Variants in TMEM184B observed in about 807,000 individuals in gnomAD.
TMEM184B encodes the protein transmembrane protein 184B.
In TMEM184B, 17 loss-of-function variants were observed where a neutral mutation model predicts 41.8. The ratio of observed to expected loss-of-function variants is 0.41; its 90% CI spans 0.28 to 0.61. The LOEUF is 0.61. TMEM184B is among the 20% of genes least tolerant of loss of function. The pLI is 0.34. For synonymous variants in TMEM184B, 240 were observed against 229.5 expected, an observed-to-expected ratio of 1.05 and a Z score of -0.41; for missense variants, 393 against 557.8, an observed-to-expected ratio of 0.70 and a Z score of 2.98.
chr22:38,269,897 C>T (rs1351816403), intron 1 of TMEM184B, among the ~76,000 whole-genome samples: 1 of 152,042 alleles, frequency 6.6e-6, no homozygotes, highest in Non-Finnish European at 1.5e-5. Context: ...GGAAAGCCAA[C>T]GGAACAAAGG....
At chr22:38,242,128 T>C (rs1285634902) in intron 3 of TMEM184B, among the ~76,000 whole-genome samples, 2 of 151,948 alleles carry the variant, frequency 1.3e-5, no homozygotes. Context: ...CTTTAATAAA[T>C]GTAATTTTTT....
At chr22:38,268,374 C>CAAAA (rs34786032) in intron 1 of TMEM184B, among the ~76,000 whole-genome samples, 5 of 121,742 alleles carry the variant, frequency 4.1e-5, no homozygotes, top group South Asian at 2.7e-4. Context: ...GACCCTGTCT[C>CAAAA]AAAAAAAAAA....
rs774864456 is a variant in TMEM184B, at chr22:38,221,363, G to A, written c.*106C>T. 2.1e-5 allele frequency: 31 copies of A among 1,486,482 alleles called. No individual in the cohort carries two copies. Among genetic ancestry groups the A allele is most frequent in the Non-Finnish European group, 2.4e-5 (27 of 1,125,478 alleles). 92.1% of individuals were successfully genotyped at this position (1,486,482 alleles called of 1,614,324 possible). A position where few individuals can be genotyped will look rare whatever the true frequency, so the allele number is the denominator to read the frequency against. On this transcript the variant is annotated 3_prime_UTR_variant, in exon 9 of 9. Transcript: ENST00000361906. ...GTTTCTGGTCCAATAAATAAAGGCG[G>A]CGTGAGCACTGTGCCAGCTGCCTCC...
chr22:38,225,286 C>T lies in TMEM184B; in HGVS notation c.787+138G>A. ...AAGGCCCTCGAGGGCTCAGATTTCA[C>T]CCCCAGCAAGTGCCCAGTGGGCTGA... On this transcript the variant is annotated intron_variant, in intron 7 of 8. Transcript: ENST00000361906. The surrounding 1 kb of genome is among the most constrained non-coding windows in gnomAD (Gnocchi z 4.4). 8.5e-7 allele frequency: 1 copy of T among 1,173,252 alleles called. No homozygotes were observed. Among genetic ancestry groups the T allele is most frequent in the South Asian group, 1.6e-5 (1 of 61,214 alleles). The allele number at this position is 1,173,252 out of a possible 1,614,324, so 72.7% of individuals were successfully genotyped here. A position where few individuals can be genotyped will look rare whatever the true frequency, so the allele number is the denominator to read the frequency against.
intron 1 of TMEM184B, among the ~76,000 whole-genome samples, chr22:38,268,974 C>G (rs1364923140): frequency 6.6e-6 from 1 of 152,268 alleles, no homozygotes; most frequent in Non-Finnish European, 1.5e-5. Context: ...TGAGCTCCAT[C>G]AGACATTGGT....
At position 38,220,537 on chromosome 22, in the gene TMEM184B, A is replaced by G. The variant is rs1311957760; in HGVS notation, c.*932T>C. On this transcript the variant is annotated 3_prime_UTR_variant, in exon 9 of 9. Coordinates refer to ENST00000361906, the MANE Select transcript of TMEM184B (RefSeq NM_012264.5). ...TCTCCCTGCCGGACTGCCTTCCCCC[A>G]GAAGCTGGTCTGAAACGTGGAGACT... is the stretch of plus-strand genomic sequence containing the variant. 3 of 985,766 alleles carry G rather than the reference A, an allele frequency of 3.0e-6. No homozygotes were observed. Among genetic ancestry groups the G allele is most frequent in the African/African-American group, 1.7e-5 (1 of 57,198 alleles). The allele number at this position is 985,766 out of a possible 1,614,324, so 61.1% of individuals were successfully genotyped here. A position where few individuals can be genotyped will look rare whatever the true frequency, so the allele number is the denominator to read the frequency against.
chr22:38,254,387 G>A (rs1301007652), intron 1 of TMEM184B, among the ~76,000 whole-genome samples: 1 of 152,100 alleles, frequency 6.6e-6, no homozygotes, highest in East Asian at 1.9e-4. Flanking sequence ...ATCACTTGAA[G>A]CCAGGAATTC....
intron 4 of TMEM184B, among the ~76,000 whole-genome samples, chr22:38,231,042 G>A (rs1357668847): frequency 6.6e-6 from 1 of 152,224 alleles, no homozygotes; most frequent in Non-Finnish European, 1.5e-5. Context: ...GAGACAGGAA[G>A]AGACAGAGAG....
Position 38,220,218 on chromosome 22 carries a change from G to C in TMEM184B, c.*1251C>G. 1 of 985,858 alleles carries C rather than the reference G, an allele frequency of 1.0e-6. No individual in the cohort carries two copies. The highest frequency in any genetic ancestry group is 1.7e-5 in the African/African-American group (1 of 57,356). 61.1% of individuals were successfully genotyped at this position (985,858 alleles called of 1,614,324 possible). ...AGGCCCCAGGTCTAGAGGTGTGGAG[G>C]GGGAGAGGAGGGGCTTGGTGGTCCT... is the stretch of plus-strand genomic sequence containing the variant. On this transcript the variant is annotated 3_prime_UTR_variant, in exon 9 of 9. Coordinates refer to ENST00000361906, the MANE Select transcript of TMEM184B (RefSeq NM_012264.5).
chr22:38,218,492 C>T (rs1012267507), downstream of TMEM184B, among the ~76,000 whole-genome samples: 4 of 151,636 alleles, frequency 2.6e-5, no homozygotes, highest in South Asian at 2.1e-4. Flanking sequence ...TGGCACAGAC[C>T]GAGGTGAGGC....
At chr22:38,235,175 G>A (rs537560956) in intron 3 of TMEM184B, among the ~76,000 whole-genome samples, 5 of 152,204 alleles carry the variant, frequency 3.3e-5, no homozygotes, top group Non-Finnish European at 4.4e-5. Context: ...GGCTCAGGCA[G>A]GGCAGGAGGG....
intron 3 of TMEM184B, among the ~76,000 whole-genome samples, chr22:38,237,492 T>C (rs565566563): frequency 6.6e-6 from 1 of 152,384 alleles, no homozygotes; most frequent in South Asian, 2.1e-4. Context: ...CGCCTAAAGC[T>C]GGCCTCATGG....
At chr22:38,242,972 G>T (rs1474361884) in intron 3 of TMEM184B, among the ~76,000 whole-genome samples, 2 of 146,620 alleles carry the variant, frequency 1.4e-5, no homozygotes, top group Non-Finnish European at 3.0e-5. Flanking sequence ...TGAGGCAGGG[G>T]AATCACTTGA....
chr22:38,241,601 C>A (rs2091908799), intron 3 of TMEM184B, among the ~76,000 whole-genome samples: 1 of 151,454 alleles, frequency 6.6e-6, no homozygotes, highest in African/African-American at 2.4e-5. Flanking sequence ...CCTGTCTCTT[C>A]AGTGCCAGGC....
intron 5 of TMEM184B, among the ~76,000 whole-genome samples, chr22:38,228,406 AAGC>A (rs57862768): frequency 0.034 from 5,124 of 151,276 alleles, 118 homozygotes; most frequent in Admixed American, 0.064. Flanking sequence ...AGAGAAGCTG[AAGC>A]AGCAGCAGCA....
In TMEM184B at chr22:38,231,085, C is replaced by T. The variant is rs561333289; in HGVS notation, c.449+159G>A. ...CTGAGCCGCAGAGGCCCTCCTAAAACGCCCAGAAGAATGGCGTTGCTCAGG... is the reference window on the plus strand; with the variant it reads ...CTGAGCCGCAGAGGCCCTCCTAAAATGCCCAGAAGAATGGCGTTGCTCAGG... On this transcript the variant is annotated intron_variant, in intron 4 of 8. Transcript: ENST00000361906. Among the ~76,000 whole-genome samples the T allele has an allele frequency of 4.6e-5, 7 of 152,292 alleles. No homozygotes were observed. In the South Asian group the frequency reaches 6.2e-4, roughly 14 times the overall value.
At chr22:38,251,024 G>A (rs538421707) in intron 1 of TMEM184B, among the ~76,000 whole-genome samples, 1 of 152,274 alleles carries the variant, frequency 6.6e-6, no homozygotes, top group Admixed American at 6.5e-5. Context: ...CCTACAAAGT[G>A]GGGGGACCTA....
At chr22:38,224,409 C>T (rs562253578) in intron 8 of TMEM184B, among the ~76,000 whole-genome samples, 11 of 152,304 alleles carry the variant, frequency 7.2e-5, no homozygotes, top group African/African-American at 2.4e-4. Flanking sequence ...CCACCGTGCC[C>T]GGCCAGAAGT....
Position 38,267,040 on chromosome 22 carries a change from A to G in TMEM184B, c.-59+5844T>C, listed in dbSNP as rs5995561. Among the ~76,000 whole-genome samples, 256 of 150,786 alleles carry G rather than the reference A, an allele frequency of 1.7e-3. 1 individual carries two copies. The highest frequency in any genetic ancestry group is 5.9e-3 in the African/African-American group (241 of 40,978). On this transcript the variant is annotated intron_variant, in intron 1 of 8. Transcript: ENST00000361906. ...GGAGCTTGCAGTGAGCCGAAATCGC[A>G]CCACTGCACTGTCTGCCTGGGCGAC...
Sources: allele counts gnomAD v4.1 joint callset (sites outside exome capture counted in the v4.1 genomes callset), GRCh38; gene constraint gnomAD v4.1.1; non-coding constraint Gnocchi (gnomAD v3.1); transcripts MANE v1.5; gene names NCBI Gene and HGNC (gene_info 2026-07-23, HGNC 2026-07-21).